Variants in HCFC2 observed in about 807,000 individuals in gnomAD.
HCFC2 encodes host cell factor 2.
Under a neutral mutation model 89.2 loss-of-function variants are expected in HCFC2, and 18 were observed. The observed-to-expected ratio is 0.20, with a 90% CI of 0.14 to 0.30. The LOEUF (loss-of-function observed/expected upper bound fraction) is 0.30. Among genes scored for constraint, HCFC2 ranks in the 10% least tolerant of loss-of-function variants. HCFC2 has a pLI of 1.00. For synonymous variants in HCFC2, 308 were observed against 335.7 expected, an observed-to-expected ratio of 0.92 and a Z score of 0.90; for missense variants, 578 against 956.1, an observed-to-expected ratio of 0.60 and a Z score of 5.21.
intron 7 of HCFC2, 61 bp downstream of exon 7, chr12:104,082,962 T>A: frequency 4.2e-6 from 5 of 1,195,566 alleles, no homozygotes; most frequent in Non-Finnish European, 4.8e-6. Flanking sequence ...AATGTCTGCC[T>A]TTTGAGACTT....
intron 5 of HCFC2, among the ~76,000 whole-genome samples, chr12:104,081,625 T>C (rs1883686645): frequency 6.6e-6 from 1 of 151,022 alleles, no homozygotes; most frequent in Non-Finnish European, 1.5e-5. Context: ...TTAAATAAAC[T>C]CAAAACCAAA....
At chr12:104,085,561 TA>T (rs1883810742) in intron 7 of HCFC2, among the ~76,000 whole-genome samples, 1 of 152,228 alleles carries the variant, frequency 6.6e-6, no homozygotes. Flanking sequence ...TGTTTTTCTA[TA>T]AACCTTTTCA....
chr12:104,096,013 C>G (rs867407534), intron 11 of HCFC2, among the ~76,000 whole-genome samples: 2 of 152,012 alleles, frequency 1.3e-5, no homozygotes, highest in Non-Finnish European at 2.9e-5. Context: ...ACAATTCTTC[C>G]AACTTGCTTG....
rs116617868 is a variant in HCFC2, at chr12:104,083,892, C to T, written c.1063+991C>T. On this transcript the variant is annotated intron_variant, in intron 7 of 14. Coordinates refer to ENST00000229330, the MANE Select transcript of HCFC2 (RefSeq NM_013320.3). ...ACAAAAAATTAGCCAGGCACAGTGG[C>T]TCATGCCTATAGTCCCAGCTTCTTG... Among the ~76,000 whole-genome samples the T allele has an allele frequency of 5.2e-3, 784 of 152,128 alleles. 7 individuals are homozygous for T. The highest frequency in any genetic ancestry group is 0.018 in the African/African-American group (757 of 41,506).
At chr12:104,086,446 T>C (rs188094750) in intron 7 of HCFC2, among the ~76,000 whole-genome samples, 1 of 152,176 alleles carries the variant, frequency 6.6e-6, no homozygotes, top group Admixed American at 6.6e-5. Flanking sequence ...TAATGTAGCT[T>C]TAATACTTGG....
chr12:104,079,726 G>GT (rs1189398424), intron 4 of HCFC2, 73 bp downstream of exon 4: 7 of 1,132,904 alleles, frequency 6.2e-6, no homozygotes, highest in African/African-American at 1.5e-5. Context: ...ATTGATTGCA[G>GT]TATTTATTGA....
chr12:104,080,884 A>G, intron 5 of HCFC2, 54 bp downstream of exon 5: 1 of 1,134,478 alleles, frequency 8.8e-7, no homozygotes, highest in Non-Finnish European at 1.3e-6. Context: ...ACAACTTAAG[A>G]AGCACACAAA....
chr12:104,103,173 C>T lies in HCFC2; in HGVS notation c.2279C>T (p.Ala760Val), dbSNP rs1331631602. The T allele has an allele frequency of 3.1e-6, 5 of 1,613,944 alleles. No homozygotes were observed. The highest frequency in any genetic ancestry group is 1.3e-5 in the African/African-American group (1 of 74,910). ...NAHIDYTSRP[A>V]IVFRISAKNE... ...CATATTGATTATACATCCAGGCCTG[C>T]CATTGTGTTCAGGATATCAGCAAAG... Residue 760 changes from alanine (A) to valine (V), a missense_variant, in exon 15 of 15, where the codon GCC becomes GTC. Ala to Val is a moderately conservative substitution (Grantham distance 64). Coordinates refer to ENST00000229330, the MANE Select transcript of HCFC2 (RefSeq NM_013320.3).
intron 7 of HCFC2, among the ~76,000 whole-genome samples, chr12:104,086,631 T>C (rs1174924661): frequency 1.5e-5 from 2 of 135,818 alleles, no homozygotes; most frequent in African/African-American, 5.0e-5. Flanking sequence ...AATAAATAAA[T>C]AAATAAATAA....
At chr12:104,091,190 A>G (rs74891472) in intron 9 of HCFC2, among the ~76,000 whole-genome samples, 2,957 of 152,304 alleles carry the variant, frequency 0.019, 45 homozygotes, top group South Asian at 0.047. Context: ...CGTAGTCTAG[A>G]GACTCACATT....
chr12:104,071,176 G>C (rs919501004), intron 3 of HCFC2, among the ~76,000 whole-genome samples: 2 of 152,152 alleles, frequency 1.3e-5, no homozygotes, highest in African/African-American at 2.4e-5. Flanking sequence ...AATAACACTG[G>C]TAAAAAGTCA....
In HCFC2 at chr12:104,095,431, T is replaced by A; in HGVS notation, c.1534T>A (p.Ser512Thr). The part of the protein sequence containing the change: ...LDVRTVIPET[S>T]VSSTVSSTQT... ...TGTAAGAACAGTAATTCCTGAAACA[T>A]CTGTATCCAGTACTGTTTCCAGCAC... The change falls in exon 11 of 15, where the codon TCT (serine) becomes ACT (threonine). Residue 512 changes from serine to threonine, a missense_variant. Coordinates refer to ENST00000229330, the MANE Select transcript of HCFC2 (RefSeq NM_013320.3). This position sits in a 1 kb window ranked among gnomAD's most constrained non-coding sequence, Gnocchi z 4.2. 1 of 1,613,636 alleles carries A rather than the reference T, an allele frequency of 6.2e-7. No individual in the cohort carries two copies. The highest frequency in any genetic ancestry group is 8.5e-7 in the Non-Finnish European group (1 of 1,179,656).
At position 104,087,092 on chromosome 12, in the gene HCFC2, C is replaced by T. The variant is rs1490869492; in HGVS notation, c.1231+78C>T. 3.1e-5 allele frequency: 43 copies of T among 1,375,606 alleles called. 1 individual carries two copies. The highest frequency in any genetic ancestry group is 3.7e-5 in the Non-Finnish European group (37 of 1,004,818). 85.2% of individuals were successfully genotyped at this position (1,375,606 alleles called of 1,614,324 possible). A position where few individuals can be genotyped will look rare whatever the true frequency, so the allele number is the denominator to read the frequency against. On this transcript the variant is annotated intron_variant, in intron 8 of 14. Coordinates refer to ENST00000229330, the MANE Select transcript of HCFC2 (RefSeq NM_013320.3). Reference sequence around the variant, plus strand: ...TATACTGGCCGGGCGCGGTGGCTCACGCCTGTAATCCCAGCACTTTGGGAG... The same window carrying T: ...TATACTGGCCGGGCGCGGTGGCTCATGCCTGTAATCCCAGCACTTTGGGAG...
At chr12:104,076,522 A>G (rs1453363008) in intron 3 of HCFC2, among the ~76,000 whole-genome samples, 1 of 152,258 alleles carries the variant, frequency 6.6e-6, no homozygotes, top group Non-Finnish European at 1.5e-5. Flanking sequence ...CCTATGCCAC[A>G]TTAGTTTTAG....
chr12:104,069,816 A>G (rs915663827), intron 3 of HCFC2, among the ~76,000 whole-genome samples: 2 of 152,046 alleles, frequency 1.3e-5, no homozygotes, highest in Non-Finnish European at 2.9e-5. Flanking sequence ...CCCCGCATGC[A>G]TTAGGTATTT....
At position 104,064,987 on chromosome 12, in the gene HCFC2, C is replaced by G. The variant is rs963311122; in HGVS notation, c.163+264C>G. ...AGGCGGGGGATCCCGGACGCCCCCA[C>G]CCCAGCCCGACAGGCGGACGCAGGC... On this transcript the variant is annotated intron_variant, in intron 1 of 14. Coordinates refer to ENST00000229330, the MANE Select transcript of HCFC2 (RefSeq NM_013320.3). The surrounding 1 kb of genome is among the most constrained non-coding windows in gnomAD (Gnocchi z 7.3). The G allele has an allele frequency of 2.2e-5, 8 of 361,650 alleles. No homozygotes were observed. The highest frequency in any genetic ancestry group is 4.8e-5 in the Admixed American group (1 of 20,704). The allele number at this position is 361,650 out of a possible 1,614,324, so 22.4% of individuals were successfully genotyped here.
intron 3 of HCFC2, among the ~76,000 whole-genome samples, chr12:104,073,628 T>G (rs1883408086): frequency 6.6e-6 from 1 of 152,250 alleles, no homozygotes; most frequent in African/African-American, 2.4e-5. Flanking sequence ...AACTTTTGTT[T>G]CTGTTTAGAA....
At chr12:104,096,189 C>A (rs920806390) in intron 11 of HCFC2, among the ~76,000 whole-genome samples, 171 bp from the exon 12 acceptor site, 24 of 152,214 alleles carry the variant, frequency 1.6e-4, no homozygotes, top group Non-Finnish European at 2.8e-4. Flanking sequence ...AATAATAGTA[C>A]AATACCCTCT....
At position 104,105,138 on chromosome 12, in the gene HCFC2, G is replaced by A. The variant is rs1329072897; in HGVS notation, c.*1865G>A. ...TAACCAAAGTTAAAATACATGGTAAGCAATTTTGCACATATTAAATATTAG... is the reference window on the plus strand; with the variant it reads ...TAACCAAAGTTAAAATACATGGTAAACAATTTTGCACATATTAAATATTAG... On this transcript the variant is annotated 3_prime_UTR_variant, in exon 15 of 15. Coordinates refer to ENST00000229330, the MANE Select transcript of HCFC2 (RefSeq NM_013320.3). 1 of 151,940 alleles carries A rather than the reference G, an allele frequency of 6.6e-6. No homozygotes were observed. Among genetic ancestry groups the A allele is most frequent in the Non-Finnish European group, 1.5e-5 (1 of 67,852 alleles). 9.4% of individuals were successfully genotyped at this position (151,940 alleles called of 1,614,324 possible).
Sources: gnomAD v4.1 joint callset for allele counts (sites outside exome capture counted in the v4.1 genomes callset) on GRCh38, gnomAD v4.1.1 for gene constraint, Gnocchi (gnomAD v3.1) non-coding constraint, MANE v1.5 for transcripts, NCBI Gene and HGNC (gene_info 2026-07-23, HGNC 2026-07-21) for gene names.